The following CTNNA3 variants were observed in gnomAD, a reference collection of about 807,000 sequenced individuals.
CTNNA3 encodes catenin alpha 3.
In CTNNA3, 76 loss-of-function variants were observed where a neutral mutation model predicts 95.7. That is an observed-to-expected ratio of 0.79 (90% CI 0.66 to 0.96). The LOEUF (loss-of-function observed/expected upper bound fraction) is 0.96. Ranked by LOEUF, CTNNA3 falls within the 40% of genes least tolerant of loss-of-function variation. CTNNA3 has a pLI of 0.00. For missense variants in CTNNA3, 1,191 were observed against 1,089.8 expected (o/e 1.09, Z -1.31); for synonymous variants, 431 against 374.4 (o/e 1.15, Z -1.74).
At position 67,132,514 on chromosome 10, in the gene CTNNA3, G is replaced by A. The variant is rs557064398; in HGVS notation, c.1047+47803C>T. Among the ~76,000 whole-genome samples, 8 of 152,144 alleles carry A rather than the reference G, an allele frequency of 5.3e-5. No homozygotes were observed. The South Asian group carries it at 1.7e-3, about 32-fold the overall frequency. ...GAAATCGAGGAGATGTACAAGAATTGACGATCCTTTCTAGTAATATTTTAG... is the reference window on the plus strand; with the variant it reads ...GAAATCGAGGAGATGTACAAGAATTAACGATCCTTTCTAGTAATATTTTAG... On this transcript the variant is annotated intron_variant, in intron 7 of 17. Coordinates refer to ENST00000433211, the MANE Select transcript of CTNNA3 (RefSeq NM_013266.4).
At chr10:67,306,070 A>G (rs1281006704) in intron 5 of CTNNA3, among the ~76,000 whole-genome samples, 1 of 152,188 alleles carries the variant, frequency 6.6e-6, no homozygotes, top group African/African-American at 2.4e-5. Flanking sequence ...AAGCAAAGTG[A>G]GGAGAAAATA....
chr10:66,377,574 TA>T, intron 12 of CTNNA3, among the ~76,000 whole-genome samples: 1 of 152,142 alleles, frequency 6.6e-6, no homozygotes, highest in Admixed American at 6.5e-5. Flanking sequence ...CTAACACGAT[TA>T]TAAAACTGAG....
chr10:66,976,199 T>G (rs762064103), intron 7 of CTNNA3, among the ~76,000 whole-genome samples: 1 of 152,152 alleles, frequency 6.6e-6, no homozygotes, highest in Non-Finnish European at 1.5e-5. Context: ...ATGAAATAAT[T>G]ATAAGTATTT....
intron 12 of CTNNA3, among the ~76,000 whole-genome samples, chr10:66,315,852 C>T (rs1368129575): frequency 6.6e-6 from 1 of 151,926 alleles, no homozygotes. Flanking sequence ...AACATGAAGG[C>T]AAATAAACAA....
At chr10:67,108,354 A>G (rs953784917) in intron 7 of CTNNA3, among the ~76,000 whole-genome samples, 1 of 152,254 alleles carries the variant, frequency 6.6e-6, no homozygotes, top group African/African-American at 2.4e-5. Flanking sequence ...ATTAAGTTAC[A>G]GTTACCTCTG....
intron 1 of CTNNA3, among the ~76,000 whole-genome samples, chr10:67,725,428 C>G (rs889954969): frequency 6.6e-6 from 1 of 152,116 alleles, no homozygotes; most frequent in Non-Finnish European, 1.5e-5. Context: ...TCGCCCACCT[C>G]GGCCTCCCAA....
At chr10:66,767,400 C>T (rs1176809675) in intron 8 of CTNNA3, among the ~76,000 whole-genome samples, 2 of 149,946 alleles carry the variant, frequency 1.3e-5, no homozygotes, top group Non-Finnish European at 3.0e-5. Context: ...GAGCTGAGAT[C>T]GCACCACTGC....
chr10:67,730,456 T>A (rs1439779683), intron 1 of CTNNA3, among the ~76,000 whole-genome samples: 1 of 152,156 alleles, frequency 6.6e-6, no homozygotes, highest in Non-Finnish European at 1.5e-5. Context: ...AATTTTTGCC[T>A]CTCCTGTGCC....
At chr10:67,260,034 T>C (rs1267744980) in intron 5 of CTNNA3, among the ~76,000 whole-genome samples, 1 of 152,192 alleles carries the variant, frequency 6.6e-6, no homozygotes, top group African/African-American at 2.4e-5. Flanking sequence ...TAGATGCCAG[T>C]ACCCTAAAGA....
intron 11 of CTNNA3, among the ~76,000 whole-genome samples, chr10:66,437,154 C>T (rs528208235): frequency 6.6e-6 from 1 of 152,178 alleles, no homozygotes; most frequent in East Asian, 1.9e-4. Flanking sequence ...GTGAATCTGA[C>T]AATTATGTGT....
rs2076981799 is a variant in CTNNA3, at chr10:65,914,344, C to T, written c.*5986G>A. 6.6e-6 allele frequency: 1 copy of T among 152,024 alleles called. No homozygotes were observed. The highest frequency in any genetic ancestry group is 2.1e-4 in the South Asian group (1 of 4,816). 9.4% of individuals were successfully genotyped at this position (152,024 alleles called of 1,614,324 possible). On this transcript the variant is annotated 3_prime_UTR_variant, in exon 18 of 18. Coordinates refer to ENST00000433211, the MANE Select transcript of CTNNA3 (RefSeq NM_013266.4). ...AGGAATGTGTGTATTTCTTATGTGG[C>T]TCCACCGTAAGAAATATCAGAAAGT...
chr10:65,995,072 T>C (rs540406501), intron 15 of CTNNA3, among the ~76,000 whole-genome samples: 4 of 152,078 alleles, frequency 2.6e-5, no homozygotes, highest in Non-Finnish European at 5.9e-5. Flanking sequence ...TGATTTTTTT[T>C]TGTATTCTTT....
intron 10 of CTNNA3, among the ~76,000 whole-genome samples, chr10:66,562,441 G>A (rs1842581779): frequency 6.6e-6 from 1 of 152,042 alleles, no homozygotes; most frequent in Non-Finnish European, 1.5e-5. Context: ...TACTTTTCCA[G>A]CAGCACGTTT....
At chr10:67,347,207 T>C (rs868075060) in intron 5 of CTNNA3, among the ~76,000 whole-genome samples, 1 of 151,692 alleles carries the variant, frequency 6.6e-6, no homozygotes, top group Non-Finnish European at 1.5e-5. Context: ...GAGCCACCAA[T>C]GCCCAGCTAA....
chr10:66,205,121 TA>T (rs1240294978), intron 13 of CTNNA3, among the ~76,000 whole-genome samples: 1 of 152,110 alleles, frequency 6.6e-6, no homozygotes, highest in African/African-American at 2.4e-5. Flanking sequence ...GTCCACTAAT[TA>T]AGCTTGATTT....
intron 9 of CTNNA3, among the ~76,000 whole-genome samples, chr10:66,662,583 C>T (rs1443139231): frequency 1.3e-5 from 2 of 152,122 alleles, no homozygotes; most frequent in African/African-American, 2.4e-5. Context: ...ATGCCCATGG[C>T]CTTCCTTCCT....
chr10:66,739,530 AAT>A (rs1412674505), intron 9 of CTNNA3, among the ~76,000 whole-genome samples: 2 of 152,216 alleles, frequency 1.3e-5, no homozygotes, highest in Non-Finnish European at 2.9e-5. Flanking sequence ...ATTTAGTTAA[AAT>A]ATGTTATGTT....
At chr10:66,294,871 A>C (rs1275859419) in intron 12 of CTNNA3, among the ~76,000 whole-genome samples, 4 of 147,690 alleles carry the variant, frequency 2.7e-5, no homozygotes, top group Non-Finnish European at 5.9e-5. Flanking sequence ...CCAGATACCT[A>C]TTAGACAGTC....
At chr10:66,321,858 G>T (rs950234327) in intron 12 of CTNNA3, among the ~76,000 whole-genome samples, 2 of 152,124 alleles carry the variant, frequency 1.3e-5, no homozygotes, top group Admixed American at 6.5e-5. Context: ...GTGTCCTAGT[G>T]ACCAGGCTGT....
Sources: gnomAD v4.1 joint callset for allele counts (sites outside exome capture counted in the v4.1 genomes callset) on GRCh38, gnomAD v4.1.1 for gene constraint, MANE v1.5 for transcripts, NCBI Gene and HGNC (gene_info 2026-07-23, HGNC 2026-07-21) for gene names.